Variants in ZDHHC14 observed in about 807,000 individuals in gnomAD.
ZDHHC14 encodes the protein zDHHC palmitoyltransferase 14.
A neutral mutation model predicts 47.7 loss-of-function variants in ZDHHC14; 16 were observed. That is an observed-to-expected ratio of 0.34 (90% CI 0.23 to 0.51). ZDHHC14 has a LOEUF of 0.51. Among genes scored for constraint, ZDHHC14 ranks in the 20% least tolerant of loss-of-function variants. ZDHHC14 has a pLI of 0.97. For missense variants in ZDHHC14, 515 were observed against 662.5 expected, an observed-to-expected ratio of 0.78 and a Z score of 2.44; for synonymous variants, 293 against 278.9, an observed-to-expected ratio of 1.05 and a Z score of -0.50.
At chr6:157,614,148 G>T (rs1038227838) in intron 3 of ZDHHC14, among the ~76,000 whole-genome samples, 4 of 152,126 alleles carry the variant, frequency 2.6e-5, no homozygotes. Context: ...GGATGGGGGG[G>T]CGGGGAGTGC....
intron 1 of ZDHHC14, among the ~76,000 whole-genome samples, chr6:157,503,799 A>C (rs942404881): frequency 6.6e-6 from 1 of 152,164 alleles, no homozygotes; most frequent in Non-Finnish European, 1.5e-5. Context: ...AGTTGGCAAA[A>C]ATTAAGAAGT....
intron 1 of ZDHHC14, among the ~76,000 whole-genome samples, chr6:157,504,527 ACTG>A (rs1388763024): frequency 7.6e-6 from 1 of 132,186 alleles, no homozygotes; most frequent in Non-Finnish European, 1.6e-5. Flanking sequence ...ATCTCAGCTC[ACTG>A]CAGCCTCCGG....
At chr6:157,666,789 G>A (rs1268841768) in intron 8 of ZDHHC14, among the ~76,000 whole-genome samples, 1 of 152,208 alleles carries the variant, frequency 6.6e-6, no homozygotes, top group Non-Finnish European at 1.5e-5. Flanking sequence ...TTTTATTTGA[G>A]AATCTGCAGA....
intron 2 of ZDHHC14, among the ~76,000 whole-genome samples, chr6:157,578,620 C>G (rs1783395246): frequency 6.6e-6 from 1 of 152,190 alleles, no homozygotes; most frequent in Non-Finnish European, 1.5e-5. Flanking sequence ...CCCCATGTGT[C>G]AAGGGCAGGA....
chr6:157,542,159 C>A (rs1300833725), intron 1 of ZDHHC14, among the ~76,000 whole-genome samples: 1 of 152,172 alleles, frequency 6.6e-6, no homozygotes, highest in Admixed American at 6.5e-5. Context: ...AAGGCTGGCT[C>A]TCATGAAGAT....
intron 8 of ZDHHC14, among the ~76,000 whole-genome samples, chr6:157,670,536 C>G (rs952671807): frequency 1.3e-4 from 19 of 151,410 alleles, no homozygotes; most frequent in Non-Finnish European, 2.6e-4. Flanking sequence ...TCAGGTGATC[C>G]TGCCTGCCTT....
intron 1 of ZDHHC14, among the ~76,000 whole-genome samples, chr6:157,475,074 A>G (rs1779447847): frequency 6.6e-6 from 1 of 152,170 alleles, no homozygotes; most frequent in African/African-American, 2.4e-5. Flanking sequence ...GGCATAGATG[A>G]GAGTCTAATT....
chr6:157,529,534 T>A (rs552705221), intron 1 of ZDHHC14, among the ~76,000 whole-genome samples: 1 of 152,280 alleles, frequency 6.6e-6, no homozygotes, highest in South Asian at 2.1e-4. Flanking sequence ...CCAAGAGAAA[T>A]GTTCTTGACC....
At chr6:157,659,301 T>C (rs1778240597) in intron 8 of ZDHHC14, among the ~76,000 whole-genome samples, 1 of 152,228 alleles carries the variant, frequency 6.6e-6, no homozygotes, top group Non-Finnish European at 1.5e-5. Context: ...TTCTGTGAAA[T>C]GCACATGCCA....
At chr6:157,513,642 G>A (rs1455804972) in intron 1 of ZDHHC14, among the ~76,000 whole-genome samples, 1 of 152,064 alleles carries the variant, frequency 6.6e-6, no homozygotes, top group African/African-American at 2.4e-5. Flanking sequence ...CATCCAGTCC[G>A]CATTATTATT....
chr6:157,654,524 G>A (rs533191035), intron 8 of ZDHHC14, among the ~76,000 whole-genome samples: 1 of 152,118 alleles, frequency 6.6e-6, no homozygotes, highest in Non-Finnish European at 1.5e-5. Flanking sequence ...CAGGTAGACT[G>A]GACGTGGGCA....
intron 1 of ZDHHC14, among the ~76,000 whole-genome samples, chr6:157,532,562 A>G (rs1781402627): frequency 6.6e-6 from 1 of 152,112 alleles, no homozygotes; most frequent in Non-Finnish European, 1.5e-5. Flanking sequence ...GTTGGGCCCT[A>G]TATGTGTGGC....
At chr6:157,563,616 A>G (rs1165837021) in intron 2 of ZDHHC14, among the ~76,000 whole-genome samples, 1 of 152,156 alleles carries the variant, frequency 6.6e-6, no homozygotes, top group Non-Finnish European at 1.5e-5. Context: ...ACTTCTTTAC[A>G]TAGGATGTAA....
At chr6:157,579,493 A>G (rs1263552061) in intron 2 of ZDHHC14, among the ~76,000 whole-genome samples, 8 of 152,148 alleles carry the variant, frequency 5.3e-5, no homozygotes, top group South Asian at 4.1e-4. Flanking sequence ...CACCATGCCC[A>G]GCCAATATTT....
At chr6:157,537,471 G>C (rs530508378) in intron 1 of ZDHHC14, among the ~76,000 whole-genome samples, 10 of 152,178 alleles carry the variant, frequency 6.6e-5, no homozygotes, top group Admixed American at 1.3e-4. Context: ...TTCTGTAAAG[G>C]CTTCTCATCA....
At chr6:157,389,122 A>G (rs564454841) in intron 1 of ZDHHC14, among the ~76,000 whole-genome samples, 1 of 152,230 alleles carries the variant, frequency 6.6e-6, no homozygotes, top group South Asian at 2.1e-4. Context: ...TAGTACTTAA[A>G]GCAGTCTATT....
intron 1 of ZDHHC14, among the ~76,000 whole-genome samples, chr6:157,415,955 C>G (rs778962787): frequency 6.6e-6 from 1 of 151,960 alleles, no homozygotes; most frequent in Non-Finnish European, 1.5e-5. Context: ...ATACCAAAGA[C>G]AGCATATTCA....
chr6:157,394,997 G>A (rs529116847), intron 1 of ZDHHC14, among the ~76,000 whole-genome samples: 6 of 150,284 alleles, frequency 4.0e-5, no homozygotes, highest in African/African-American at 1.5e-4. Context: ...CAGCCAGTTC[G>A]TGCACCCATA....
intron 8 of ZDHHC14, among the ~76,000 whole-genome samples, chr6:157,666,599 C>T (rs900044535): frequency 6.6e-5 from 10 of 152,070 alleles, no homozygotes; most frequent in African/African-American, 1.7e-4. Context: ...ATACATGATG[C>T]GTAACTCTAA....
Sources: allele counts gnomAD v4.1 joint callset (sites outside exome capture counted in the v4.1 genomes callset), GRCh38; gene constraint gnomAD v4.1.1; transcripts MANE v1.5; gene names NCBI Gene and HGNC (gene_info 2026-07-23, HGNC 2026-07-21).